CPAMD8: variants seen among roughly 807,000 people sequenced by gnomAD.
CPAMD8 encodes C3 and PZP-like alpha-2-macroglobulin domain-containing protein 8.
In CPAMD8, 146 loss-of-function variants were observed where a neutral mutation model predicts 224.7. The ratio of observed to expected loss-of-function variants is 0.65; its 90% CI spans 0.57 to 0.75. The LOEUF (loss-of-function observed/expected upper bound fraction) is 0.75, where lower values mean the gene tolerates loss of function less well. Ranked by LOEUF, CPAMD8 falls within the 30% of genes least tolerant of loss-of-function variation. CPAMD8 has a pLI of 0.00. For missense variants in CPAMD8, 2,301 were observed against 2,537.5 expected, an observed-to-expected ratio of 0.91 and a Z score of 2.00; for synonymous variants, 966 against 1,044.6, an observed-to-expected ratio of 0.92 and a Z score of 1.45.
At position 16,921,981 on chromosome 19, in the gene CPAMD8, G is replaced by C; in HGVS notation, c.3553C>G (p.Gln1185Glu). 6.5e-7 allele frequency: 1 copy of C among 1,547,262 alleles called. No individual in the cohort carries two copies. Among genetic ancestry groups the C allele is most frequent in the South Asian group, 1.2e-5 (1 of 84,034 alleles). The change falls in exon 27 of 42, where the codon CAG (glutamine) becomes GAG (glutamate). Residue 1185 changes from glutamine (Q) to glutamate (E), a missense_variant. This residue lies in a region of CPAMD8 where 1,709 missense variants were observed against 1,753.2 expected (regional missense o/e 0.97). Coordinates refer to ENST00000443236, the MANE Select transcript of CPAMD8 (RefSeq NM_015692.5). ...TGGCGCTTGTAGGTCAGCTGGCGCT[G>C]GTAGCCTGTGGGGCAAGCAGAGAGG... ...ETTDYLVQGY[Q>E]RQLTYKRQDG...
chr19:17,008,666 G>T, intron 6 of CPAMD8, 107 bp from the exon 7 acceptor site: 1 of 1,222,240 alleles, frequency 8.2e-7, no homozygotes, highest in Non-Finnish European at 1.2e-6. Flanking sequence ...TGTCAACCAT[G>T]CAGCGAAGGT....
At chr19:17,009,167 G>A in intron 6 of CPAMD8, 136 bp downstream of exon 6, 1 of 1,441,310 alleles carries the variant, frequency 6.9e-7, no homozygotes, top group Non-Finnish European at 9.6e-7. Context: ...CAGGATAGAA[G>A]AGGCCAGGTC....
intron 18 of CPAMD8, among the ~76,000 whole-genome samples, chr19:16,970,439 TAGAC>T (rs1198865154): frequency 2.0e-5 from 3 of 150,764 alleles, no homozygotes; most frequent in African/African-American, 4.9e-5. Flanking sequence ...ATACGAAAAT[TAGAC>T]AGGCATGGTG....
At position 16,899,534 on chromosome 19, in the gene CPAMD8, G is replaced by A. The variant is rs893262716; in HGVS notation, c.4789C>T (p.His1597Tyr). 1.3e-6 allele frequency: 2 copies of A among 1,551,816 alleles called. No homozygotes were observed. Among genetic ancestry groups the A allele is most frequent in the Admixed American group, 1.7e-5 (1 of 59,920 alleles). ...ESLEQLLLDKHMGMKRYEVAG... is the reference protein window; with the variant it reads ...ESLEQLLLDKYMGMKRYEVAG... ...ACTTCATACCTCTTCATCCCCATGT[G>A]CTTGTCAAGGAGCAGCTGCAGAGGA... The change falls in exon 37 of 42, where the codon CAC becomes TAC. Residue 1597 changes from histidine (H) to tyrosine (Y), a missense_variant. Around this residue, in one of 4 missense-constraint regions of CPAMD8, gnomAD observed 1,709 missense variants for 1,753.2 expected, o/e 0.97. Transcript: ENST00000443236. The surrounding 1 kb of genome is among the most constrained non-coding windows in gnomAD (Gnocchi z 5.4).
intron 8 of CPAMD8, 135 bp from the exon 9 acceptor site, chr19:17,002,485 C>A: frequency 1.7e-6 from 1 of 605,030 alleles, no homozygotes; most frequent in Non-Finnish European, 3.1e-6. Flanking sequence ...CCATCCACAC[C>A]ACTCTGCTGA....
intron 3 of CPAMD8, among the ~76,000 whole-genome samples, chr19:17,016,736 G>C (rs1361698540): frequency 6.6e-6 from 1 of 151,962 alleles, no homozygotes; most frequent in Non-Finnish European, 1.5e-5. Context: ...CTCCACCCTG[G>C]GCGACAGAGC....
At chr19:16,905,274 T>A (rs977883284) in intron 30 of CPAMD8, among the ~76,000 whole-genome samples, 2 of 145,134 alleles carry the variant, frequency 1.4e-5, no homozygotes, top group Admixed American at 7.0e-5. Context: ...TAAATAAAAA[T>A]AATAATAATA....
intron 1 of CPAMD8, 150 bp from the exon 2 acceptor site, chr19:17,022,331 C>G: frequency 3.6e-6 from 3 of 824,840 alleles, no homozygotes. Flanking sequence ...TCTGTGCCCC[C>G]CCATCAGTTC....
chr19:16,914,605 G>A lies in CPAMD8; in HGVS notation c.3786+52C>T, dbSNP rs965360224. On this transcript the variant is annotated intron_variant, in intron 28 of 41. Coordinates refer to ENST00000443236, the MANE Select transcript of CPAMD8 (RefSeq NM_015692.5). ...GTAGGAACAGGCAGGTCAGGGCTGG[G>A]GCTCTGGGAGGAGGTGAGGGGCCCG... 5 of 1,613,004 alleles carry A rather than the reference G, an allele frequency of 3.1e-6. No homozygotes were observed. In the Admixed American group the frequency reaches 6.7e-5, roughly 22 times the overall value.
intron 41 of CPAMD8, chr19:16,894,780 G>A (rs1193598396): frequency 2.2e-5 from 6 of 269,522 alleles, no homozygotes; most frequent in Non-Finnish European, 3.8e-5. Context: ...AGTGGCTCAC[G>A]CCTGTAATCC....
Position 16,906,988 on chromosome 19 carries a change from C to A in CPAMD8, c.3991G>T (p.Ala1331Ser), listed in dbSNP as rs754711230. The change falls in exon 30 of 42, where the codon GCA becomes TCA. Residue 1331 changes from alanine (A) to serine (S), a missense_variant. Physicochemically the swap from Ala to Ser is moderately conservative, Grantham distance 99. This residue lies in a region of CPAMD8 where 1,709 missense variants were observed against 1,753.2 expected (regional missense o/e 0.97). Coordinates refer to ENST00000443236, the MANE Select transcript of CPAMD8 (RefSeq NM_015692.5). ...GCCAGGCTACGGAGCTTGCGCAGTG[C>A]CTCAGGGGCTGCCGGGCTGCGGAGC... ...TLLRSPAAPE[A>S]LRKLRSLAIM... is the part of the protein sequence containing the mutation. The A allele has an allele frequency of 5.9e-5, 95 of 1,598,720 alleles. No homozygotes were observed. Among genetic ancestry groups the A allele is most frequent in the Middle Eastern group, 3.3e-4 (2 of 6,072 alleles).
intron 25 of CPAMD8, among the ~76,000 whole-genome samples, chr19:16,926,115 A>T (rs978921979): frequency 4.6e-5 from 7 of 151,902 alleles, no homozygotes; most frequent in Admixed American, 3.9e-4. Flanking sequence ...GAGCACTTCA[A>T]TTTTTAAAAA....
At position 16,980,591 on chromosome 19, in the gene CPAMD8, C is replaced by G. The variant is rs200291261; in HGVS notation, c.1491G>C (p.Ser497=). The G allele has an allele frequency of 1.4e-4, 218 of 1,613,422 alleles. 1 individual carries two copies. The highest frequency in any genetic ancestry group is 2.3e-4 in the Admixed American group (14 of 59,892). Residue 497 remains serine, a synonymous_variant, in exon 14 of 42, where the codon TCG becomes TCC. Coordinates refer to ENST00000443236, the MANE Select transcript of CPAMD8 (RefSeq NM_015692.5). ...EVAARGNIVL[S]GQQPAHTTQQ... ...GGGTGGTGTGGGCAGGCTGCTGGCC[C>G]GATAGCACAATATTGCCCCGTGCAG... is the stretch of plus-strand genomic sequence containing the variant.
intron 27 of CPAMD8, among the ~76,000 whole-genome samples, chr19:16,915,956 T>G (rs898933151): frequency 6.6e-6 from 1 of 151,344 alleles, no homozygotes; most frequent in Non-Finnish European, 1.5e-5. Context: ...TTCCTACTTT[T>G]CTTTCTTGAT....
chr19:16,983,914 A>G (rs1261827168), intron 13 of CPAMD8, among the ~76,000 whole-genome samples: 1 of 152,174 alleles, frequency 6.6e-6, no homozygotes, highest in African/African-American at 2.4e-5. Context: ...AAAAAGAAGA[A>G]TAACATTGGA....
intron 18 of CPAMD8, among the ~76,000 whole-genome samples, chr19:16,961,856 T>C (rs1568533030): frequency 6.6e-6 from 1 of 152,182 alleles, no homozygotes; most frequent in East Asian, 1.9e-4. Flanking sequence ...TTCTGCAATA[T>C]TTGCTGTTCT....
chr19:17,021,258 C>T (rs2056948444), intron 2 of CPAMD8, among the ~76,000 whole-genome samples: 1 of 152,174 alleles, frequency 6.6e-6, no homozygotes, highest in Non-Finnish European at 1.5e-5. Flanking sequence ...TGAGAGACCA[C>T]AAACTGTTGC....
At position 16,928,015 on chromosome 19, in the gene CPAMD8, T is replaced by A. The variant is rs1207716698; in HGVS notation, c.3364A>T (p.Ile1122Phe). 2.5e-6 allele frequency: 4 copies of A among 1,610,836 alleles called. No homozygotes were observed. Among genetic ancestry groups the A allele is most frequent in the Non-Finnish European group, 1.7e-6 (2 of 1,177,230 alleles). Residue 1122 changes from isoleucine to phenylalanine, a missense_variant, in exon 25 of 42, where the codon ATC (isoleucine) becomes TTC (phenylalanine). Physicochemically the swap from Ile to Phe is conservative, Grantham distance 21 (BLOSUM62 0). Transcript: ENST00000443236. Reference sequence around the variant, plus strand: ...GGCTGTGGGACAGACGCACCGATGATGGAGGCGGTGGCTCGCTCAGACCCA... The same window carrying A: ...GGCTGTGGGACAGACGCACCGATGAAGGAGGCGGTGGCTCGCTCAGACCCA... ...IPGSERATAS[I>F]IGDVMGPTLN...
At position 16,898,640 on chromosome 19, in the gene CPAMD8, A is replaced by C. The variant is rs1458824736; in HGVS notation, c.4849-646T>G. 6.6e-6 allele frequency among the ~76,000 whole-genome samples: 1 copy of C among 152,050 alleles called. No homozygotes were observed. Among genetic ancestry groups the C allele is most frequent in the African/African-American group, 2.4e-5 (1 of 41,404 alleles). ...CTCCCCCAGCCCCTGGCAACCACAA[A>C]TCTTTCCAACTCTACGGATTTGCCT... On this transcript the variant is annotated intron_variant, in intron 37 of 41. Coordinates refer to ENST00000443236, the MANE Select transcript of CPAMD8 (RefSeq NM_015692.5). This position sits in a 1 kb window ranked among gnomAD's most constrained non-coding sequence, Gnocchi z 4.2.
Sources: allele counts gnomAD v4.1 joint callset (sites outside exome capture counted in the v4.1 genomes callset), GRCh38; gene constraint gnomAD v4.1.1; regional missense constraint gnomAD v4.1.1; non-coding constraint Gnocchi (gnomAD v3.1); transcripts MANE v1.5; gene names NCBI Gene and HGNC (gene_info 2026-07-23, HGNC 2026-07-21).